The following POFUT2 variants were observed in gnomAD, a reference collection of about 807,000 sequenced individuals.
The protein encoded by POFUT2 is GDP-fucose protein O-fucosyltransferase 2.
A neutral mutation model predicts 55.0 loss-of-function variants in POFUT2; 30 were observed. The observed-to-expected ratio is 0.55, with a 90% CI of 0.41 to 0.74. The LOEUF is 0.74. Among genes scored for constraint, POFUT2 ranks in the 30% least tolerant of loss-of-function variants. POFUT2 has a pLI of 0.00. For synonymous variants in POFUT2, 267 were observed against 231.1 expected (o/e 1.16, Z -1.41); for missense variants, 524 against 562.6 (o/e 0.93, Z 0.69).
At chr21:45,287,703 C>T (rs771949355) in intron 1 of POFUT2, 38 bp downstream of exon 1, 7 of 1,403,224 alleles carry the variant, frequency 5.0e-6, no homozygotes, top group Non-Finnish European at 6.6e-6. Context: ...CTGCCCGGTC[C>T]TGGAACCCCA....
intron 6 of POFUT2, among the ~76,000 whole-genome samples, chr21:45,272,545 G>C (rs1030571406): frequency 2.0e-5 from 3 of 152,088 alleles, no homozygotes; most frequent in Non-Finnish European, 4.4e-5. Flanking sequence ...CTATACCCTG[G>C]AACAAGTGGA....
chr21:45,268,736 T>C (rs538653016), intron 7 of POFUT2, among the ~76,000 whole-genome samples: 7 of 130,586 alleles, frequency 5.4e-5, no homozygotes, highest in South Asian at 2.6e-4. Flanking sequence ...GTGAGGAGCC[T>C]CTCCGCCCGG....
intron 6 of POFUT2, among the ~76,000 whole-genome samples, chr21:45,273,229 C>T (rs1427768959): frequency 6.6e-6 from 1 of 152,102 alleles, no homozygotes; most frequent in Non-Finnish European, 1.5e-5. Flanking sequence ...CATAGAAACA[C>T]AAAATAATCA....
Position 45,287,838 on chromosome 21 carries a change from C to T in POFUT2, c.34G>A (p.Gly12Arg). 2 of 1,454,668 alleles carry T rather than the reference C, an allele frequency of 1.4e-6. No individual in the cohort carries two copies. The highest frequency in any genetic ancestry group is 1.8e-6 in the Non-Finnish European group (2 of 1,096,430). 90.1% of individuals were successfully genotyped at this position (1,454,668 alleles called of 1,614,324 possible). Residue 12 changes from glycine to arginine, a missense_variant, in exon 1 of 9, where the codon GGG becomes AGG. Around this residue, in one of 2 missense-constraint regions of POFUT2, gnomAD observed 274 missense variants for 244.4 expected, o/e 1.12. Coordinates refer to ENST00000349485, the MANE Select transcript of POFUT2 (RefSeq NM_133635.6). ...ATLSFVFLLL[G>R]AVSWPPASAS... ...GAAGCCGGAGGCCAGGACACTGCCCCCAGCAGCAGGAAGACGAAGCTGAGT... is the reference window on the plus strand; with the variant it reads ...GAAGCCGGAGGCCAGGACACTGCCCTCAGCAGCAGGAAGACGAAGCTGAGT...
At chr21:45,268,786 G>A (rs1219004552) in intron 7 of POFUT2, among the ~76,000 whole-genome samples, 12 of 149,542 alleles carry the variant, frequency 8.0e-5, no homozygotes, top group African/African-American at 2.7e-4. Flanking sequence ...TCTCCGCCCG[G>A]CAGCCACCCC....
At position 45,270,247 on chromosome 21, in the gene POFUT2, G is replaced by A. The variant is rs2093207156; in HGVS notation, c.832-228C>T. On this transcript the variant is annotated intron_variant, in intron 6 of 8. Transcript: ENST00000349485. This position sits in a 1 kb window ranked among gnomAD's most constrained non-coding sequence, Gnocchi z 4.6. The stretch of plus-strand genomic sequence containing the variant: ...AATTACCAGAAATCATTTTATCTGA[G>A]GTAAAGAAAAATATTTAAAAAGAGA... 6.6e-6 allele frequency among the ~76,000 whole-genome samples: 1 copy of A among 152,142 alleles called. No individual in the cohort carries two copies. The highest frequency in any genetic ancestry group is 6.5e-5 in the Admixed American group (1 of 15,282).
intron 6 of POFUT2, 76 bp downstream of exon 6, chr21:45,276,941 C>T: frequency 1.3e-6 from 2 of 1,513,960 alleles, no homozygotes; most frequent in Non-Finnish European, 1.8e-6. Context: ...TGTGACTTTA[C>T]ATGGAAGGCC....
intron 8 of POFUT2, chr21:45,266,123 G>A (rs1486981510): frequency 2.2e-6 from 3 of 1,360,888 alleles, no homozygotes; most frequent in Middle Eastern, 2.1e-4. Context: ...TGGGCTGGTG[G>A]GGACACCCTT....
At position 45,265,316 on chromosome 21, in the gene POFUT2, C is replaced by T. The variant is rs549487953; in HGVS notation, c.*166G>A. The stretch of plus-strand genomic sequence containing the variant: ...CCATGGCGGCTGGCAACGCCGAGGA[C>T]GGAGCCCAGCTCTAGAGGCGTGGGG... On this transcript the variant is annotated 3_prime_UTR_variant, in exon 9 of 9. Coordinates refer to ENST00000349485, the MANE Select transcript of POFUT2 (RefSeq NM_133635.6). This position sits in a 1 kb window ranked among gnomAD's most constrained non-coding sequence, Gnocchi z 4.6. The T allele has an allele frequency of 1.3e-4, 67 of 504,614 alleles. No individual in the cohort carries two copies. The Middle Eastern group carries it at 2.1e-3, about 16-fold the overall frequency. 31.3% of individuals were successfully genotyped at this position (504,614 alleles called of 1,614,324 possible).
In POFUT2 at chr21:45,277,217, C is replaced by T. The variant is rs149909674; in HGVS notation, c.706-75G>A. The T allele has an allele frequency of 2.5e-3, 3,871 of 1,559,236 alleles. 10 individuals are homozygous for T. The highest frequency in any genetic ancestry group is 3.2e-3 in the Non-Finnish European group (3,734 of 1,153,928). ...GCCCTCCCGGAGCGGGTTCTCCTGTCGCTGCCACCACCCACCCCCGCAGCT... is the reference window on the plus strand; with the variant it reads ...GCCCTCCCGGAGCGGGTTCTCCTGTTGCTGCCACCACCCACCCCCGCAGCT... On this transcript the variant is annotated intron_variant, in intron 5 of 8. Transcript: ENST00000349485. The surrounding 1 kb of genome is among the most constrained non-coding windows in gnomAD (Gnocchi z 6.9).
intron 1 of POFUT2, among the ~76,000 whole-genome samples, chr21:45,287,374 C>T (rs1318049411): frequency 3.8e-4 from 18 of 46,916 alleles, no homozygotes; most frequent in African/African-American, 1.8e-3. Flanking sequence ...GCCCCTGCCC[C>T]GCCCCCATCC....
At position 45,265,349 on chromosome 21, in the gene POFUT2, TG is replaced by T; in HGVS notation, c.*132del. 2 of 758,572 alleles carry T rather than the reference TG, an allele frequency of 2.6e-6. No individual in the cohort carries two copies. The highest frequency in any genetic ancestry group is 2.0e-5 in the South Asian group (1 of 51,070). The allele number at this position is 758,572 out of a possible 1,614,324, so 47.0% of individuals were successfully genotyped here. On this transcript the variant is annotated 3_prime_UTR_variant, in exon 9 of 9. Coordinates refer to ENST00000349485, the MANE Select transcript of POFUT2 (RefSeq NM_133635.6). This position sits in a 1 kb window ranked among gnomAD's most constrained non-coding sequence, Gnocchi z 4.6. ...AGCTCTAGAGGCGTGGGGCCTCTTC[TG>T]GGCCTGGGACCCTGCGAGGGACGGT...
chr21:45,269,036 T>TG (rs1285625391), intron 7 of POFUT2, among the ~76,000 whole-genome samples: 3 of 77,554 alleles, frequency 3.9e-5, no homozygotes, highest in Admixed American at 2.3e-4. Flanking sequence ...GGGAGGGAGG[T>TG]GGGGGGGTCA....
intron 6 of POFUT2, among the ~76,000 whole-genome samples, chr21:45,271,117 GTGAAAACCAACTTAAAGAAAT>G (rs2093216284): frequency 6.6e-6 from 1 of 151,618 alleles, no homozygotes; most frequent in South Asian, 2.1e-4. Context: ...CCAGACAAAG[GTGAAAACCAACTTAAAGAAAT>G]TAAAAAAAAA....
In POFUT2 at chr21:45,267,373, T is replaced by C. The variant is rs1403225091; in HGVS notation, c.1136+217A>G. On this transcript the variant is annotated intron_variant, in intron 8 of 8. Transcript: ENST00000349485. This position sits in a 1 kb window ranked among gnomAD's most constrained non-coding sequence, Gnocchi z 4.4. ...CCAACAGCCTGCTATGGAGGAATTCTGTGCATGAGAACTAAAGGGGCAAGA... is the reference window on the plus strand; with the variant it reads ...CCAACAGCCTGCTATGGAGGAATTCCGTGCATGAGAACTAAAGGGGCAAGA... 1.3e-6 allele frequency: 2 copies of C among 1,576,912 alleles called. No homozygotes were observed. The highest frequency in any genetic ancestry group is 1.7e-6 in the Non-Finnish European group (2 of 1,160,440).
In POFUT2 at chr21:45,281,340, G is replaced by C. The variant is rs998447902; in HGVS notation, c.638+1009C>G. 6.6e-6 allele frequency among the ~76,000 whole-genome samples: 1 copy of C among 152,186 alleles called. No individual in the cohort carries two copies. Among genetic ancestry groups the C allele is most frequent in the African/African-American group, 2.4e-5 (1 of 41,434 alleles). ...CAAAACCCGAATATTGTCATGAAAT[G>C]AACCCAGTCCCAGGACAACATTAAA... is the stretch of plus-strand genomic sequence containing the variant. On this transcript the variant is annotated intron_variant, in intron 4 of 8. Transcript: ENST00000349485. The surrounding 1 kb of genome is among the most constrained non-coding windows in gnomAD (Gnocchi z 5.0).
At chr21:45,273,428 T>C (rs1295844549) in intron 6 of POFUT2, among the ~76,000 whole-genome samples, 1 of 152,062 alleles carries the variant, frequency 6.6e-6, no homozygotes, top group African/African-American at 2.4e-5. Context: ...ACCCAATGAA[T>C]TCACAGCTGA....
Position 45,285,860 on chromosome 21 carries a change from G to A in POFUT2, c.200C>T (p.Ala67Val), listed in dbSNP as rs749253768. The A allele has an allele frequency of 3.1e-6, 5 of 1,613,094 alleles. No individual in the cohort carries two copies. The East Asian group carries it at 1.1e-4, about 36-fold the overall frequency. The change falls in exon 2 of 9, where the codon GCC (alanine) becomes GTC (valine). Residue 67 changes from alanine (A) to valine (V), a missense_variant. Ala to Val is a moderately conservative substitution (Grantham distance 64). This residue lies in a region of POFUT2 where 274 missense variants were observed against 244.4 expected (regional missense o/e 1.12). Transcript: ENST00000349485. This position sits in a 1 kb window ranked among gnomAD's most constrained non-coding sequence, Gnocchi z 4.9. ...CTTCAGCAGAGTCTTCAGGAGAGAGGCGATTCGGATATAGACATCCCTGCG... is the reference window on the plus strand; with the variant it reads ...CTTCAGCAGAGTCTTCAGGAGAGAGACGATTCGGATATAGACATCCCTGCG... ...NLRRDVYIRI[A>V]SLLKTLLKTE...
intron 7 of POFUT2, among the ~76,000 whole-genome samples, chr21:45,269,136 G>A (rs1468247424): frequency 2.7e-5 from 4 of 148,966 alleles, no homozygotes; most frequent in South Asian, 2.1e-4. Context: ...CCCTCTGCCC[G>A]GCCAGCCGCC....
Sources: gnomAD v4.1 joint callset for allele counts (sites outside exome capture counted in the v4.1 genomes callset) on GRCh38, gnomAD v4.1.1 for gene constraint, gnomAD v4.1.1 regional missense constraint, Gnocchi (gnomAD v3.1) non-coding constraint, MANE v1.5 for transcripts, NCBI Gene and HGNC (gene_info 2026-07-23, HGNC 2026-07-21) for gene names.